MARCHF5: variants seen among roughly 807,000 people sequenced by gnomAD.
MARCHF5 encodes E3 ubiquitin-protein ligase MARCHF5.
MARCHF5 carries 5 observed loss-of-function variants against 36.5 expected under a neutral mutation model. The ratio of observed to expected loss-of-function variants is 0.14; its 90% CI spans 0.07 to 0.29. The LOEUF (loss-of-function observed/expected upper bound fraction) is 0.29. Ranked by LOEUF, MARCHF5 falls within the 10% of genes least tolerant of loss-of-function variation. The pLI is 1.00. For synonymous variants in MARCHF5, 103 were observed against 109.9 expected (o/e 0.94, Z 0.39); for missense variants, 179 against 336.3 (o/e 0.53, Z 3.66).
intron 1 of MARCHF5, among the ~76,000 whole-genome samples, chr10:92,297,131 A>G (rs1668639630): frequency 6.6e-6 from 1 of 151,776 alleles, no homozygotes; most frequent in South Asian, 2.1e-4. Context: ...TTCTTGGTTT[A>G]ATGCTTTTAT....
rs1193217586 is a variant in MARCHF5, at chr10:92,353,472, T to A, written c.*2265T>A. On this transcript the variant is annotated 3_prime_UTR_variant, in exon 6 of 6. Transcript: ENST00000358935. ...TCAGAAGACTATTTCTAGGATTAAC[T>A]GAGAGATTAAAGGAACAGCAGCACT... The A allele has an allele frequency of 5.9e-5, 9 of 152,214 alleles. No individual in the cohort carries two copies. The highest frequency in any genetic ancestry group is 1.3e-4 in the Admixed American group (2 of 15,280). 9.4% of individuals were successfully genotyped at this position (152,214 alleles called of 1,614,324 possible).
intron 1 of MARCHF5, among the ~76,000 whole-genome samples, chr10:92,304,772 C>T (rs1208486591): frequency 6.6e-6 from 1 of 152,006 alleles, no homozygotes; most frequent in African/African-American, 2.4e-5. Context: ...GATGGTTTTT[C>T]TCCCCTCATT....
chr10:92,319,424 T>C (rs1338573558), intron 2 of MARCHF5, among the ~76,000 whole-genome samples: 1 of 151,124 alleles, frequency 6.6e-6, no homozygotes, highest in Non-Finnish European at 1.5e-5. Context: ...GCCTCCCGTG[T>C]AGCTGGGACT....
chr10:92,300,027 G>A (rs1399741095), intron 1 of MARCHF5, among the ~76,000 whole-genome samples: 1 of 151,946 alleles, frequency 6.6e-6, no homozygotes, highest in African/African-American at 2.4e-5. Context: ...CCAGTGTAGT[G>A]GTGCATGCCT....
chr10:92,301,068 G>T (rs988932341), intron 1 of MARCHF5, among the ~76,000 whole-genome samples: 1 of 152,016 alleles, frequency 6.6e-6, no homozygotes, highest in Non-Finnish European at 1.5e-5. Flanking sequence ...TGTATTTTTA[G>T]TAGAAACAGG....
intron 2 of MARCHF5, among the ~76,000 whole-genome samples, chr10:92,328,812 TA>T (rs1165630209): frequency 2.9e-5 from 2 of 69,066 alleles, no homozygotes; most frequent in Admixed American, 2.7e-4. Flanking sequence ...TATATATATA[TA>T]TATATATATT....
At chr10:92,345,619 T>C (rs940030527) in intron 3 of MARCHF5, among the ~76,000 whole-genome samples, 10 of 151,958 alleles carry the variant, frequency 6.6e-5, no homozygotes, top group African/African-American at 2.4e-4. Flanking sequence ...TTTTAGCCCT[T>C]CTGCAGGAAA....
chr10:92,314,757 C>A (rs61126515), intron 2 of MARCHF5, among the ~76,000 whole-genome samples: 2 of 122,418 alleles, frequency 1.6e-5, no homozygotes, highest in Non-Finnish European at 3.3e-5. Context: ...CGCCCCCCCC[C>A]GCCAATAGAG....
chr10:92,327,347 CTT>C (rs1163621272), intron 2 of MARCHF5, among the ~76,000 whole-genome samples: 1 of 145,360 alleles, frequency 6.9e-6, no homozygotes. Flanking sequence ...GGATAAAGAG[CTT>C]TTTAAAAAAA....
intron 3 of MARCHF5, among the ~76,000 whole-genome samples, chr10:92,348,294 A>G (rs1046645836): frequency 2.0e-5 from 3 of 151,774 alleles, no homozygotes; most frequent in African/African-American, 7.3e-5. Flanking sequence ...TTCGAGACCA[A>G]CCTGGCCAAC....
intron 2 of MARCHF5, among the ~76,000 whole-genome samples, chr10:92,317,858 C>G (rs1843231937): frequency 6.6e-6 from 1 of 150,980 alleles, no homozygotes. Context: ...TCTGTCAGTT[C>G]TCCTGTCTCA....
chr10:92,319,332 G>T (rs1207197883), intron 2 of MARCHF5, among the ~76,000 whole-genome samples: 3 of 132,218 alleles, frequency 2.3e-5, no homozygotes, highest in East Asian at 2.2e-4. Context: ...TTTCGCTCTT[G>T]TCGCCCAGGC....
chr10:92,318,641 G>GA (rs369470158), intron 2 of MARCHF5, among the ~76,000 whole-genome samples: 15,866 of 140,022 alleles, frequency 0.11, 1,110 homozygotes, highest in Middle Eastern at 0.19. Flanking sequence ...AGAAAGAACG[G>GA]AAAAAAAAAA....
chr10:92,335,902 T>G lies in MARCHF5; in HGVS notation c.239-4771T>G, dbSNP rs186324212. ...ATTTGAATTTTGTTTTAAGGAATTATATTGCTTTACTCCATCAGTAGGTAG... is the reference window on the plus strand; with the variant it reads ...ATTTGAATTTTGTTTTAAGGAATTAGATTGCTTTACTCCATCAGTAGGTAG... On this transcript the variant is annotated intron_variant, in intron 2 of 5. Coordinates refer to ENST00000358935, the MANE Select transcript of MARCHF5 (RefSeq NM_017824.5). Among the ~76,000 whole-genome samples, 12 of 152,368 alleles carry G rather than the reference T, an allele frequency of 7.9e-5. No individual in the cohort carries two copies. In the East Asian group the frequency reaches 1.5e-3, roughly 20 times the overall value.
chr10:92,323,559 G>GCTCC (rs1371292995), intron 2 of MARCHF5, among the ~76,000 whole-genome samples: 2 of 152,038 alleles, frequency 1.3e-5, no homozygotes, highest in Non-Finnish European at 2.9e-5. Flanking sequence ...AATCCTCTAT[G>GCTCC]CTCCATCTGT....
chr10:92,343,575 GT>G (rs1038906308), intron 3 of MARCHF5, among the ~76,000 whole-genome samples: 4 of 151,922 alleles, frequency 2.6e-5, no homozygotes, highest in African/African-American at 9.7e-5. Flanking sequence ...TTTGTTTTTT[GT>G]TTTTTTGTTT....
At chr10:92,316,431 AC>A (rs1843210615) in intron 2 of MARCHF5, among the ~76,000 whole-genome samples, 2 of 152,062 alleles carry the variant, frequency 1.3e-5, no homozygotes, top group Admixed American at 1.3e-4. Flanking sequence ...GTATGTATGT[AC>A]CTACTTAAAA....
chr10:92,319,937 C>G (rs1169575619), intron 2 of MARCHF5, among the ~76,000 whole-genome samples: 1 of 145,666 alleles, frequency 6.9e-6, no homozygotes, highest in Non-Finnish European at 1.5e-5. Context: ...CAGGCGTGAG[C>G]CACTGCACCT....
chr10:92,292,364 A>G (rs1842888596), intron 1 of MARCHF5, among the ~76,000 whole-genome samples: 1 of 152,170 alleles, frequency 6.6e-6, no homozygotes, highest in African/African-American at 2.4e-5. Context: ...TGGCATAGCA[A>G]GTTGTACAAG....
Sources: gnomAD v4.1 joint callset for allele counts (sites outside exome capture counted in the v4.1 genomes callset) on GRCh38, gnomAD v4.1.1 for gene constraint, MANE v1.5 for transcripts, NCBI Gene and HGNC (gene_info 2026-07-23, HGNC 2026-07-21) for gene names.